The following MSTO1 variants were observed in gnomAD, a reference collection of about 807,000 sequenced individuals.
MSTO1 encodes the protein misato mitochondrial distribution and morphology regulator 1, also known as protein misato homolog 1.
Under a neutral mutation model 55.7 loss-of-function variants are expected in MSTO1, and 24 were observed. That is an observed-to-expected ratio of 0.43 (90% CI 0.31 to 0.61). The LOEUF is 0.61. Ranked by LOEUF, MSTO1 falls within the 20% of genes least tolerant of loss-of-function variation. The pLI is 0.09. For missense variants in MSTO1, 363 were observed against 625.7 expected, an observed-to-expected ratio of 0.58 and a Z score of 4.48; for synonymous variants, 162 against 252.8, an observed-to-expected ratio of 0.64 and a Z score of 3.41.
At chr1:155,598,221 A>T in the MSTO1 span, among the ~76,000 whole-genome samples, 14 of 151,544 alleles carry the variant, frequency 9.2e-5, no homozygotes, top group Admixed American at 6.6e-5. Flanking sequence ...GGTTCAAGCA[A>T]TTCTCCCGCC....
the MSTO1 span, among the ~76,000 whole-genome samples, chr1:155,575,830 T>G: frequency 6.7e-6 from 1 of 149,776 alleles, no homozygotes; most frequent in Non-Finnish European, 1.5e-5. Context: ...ATTTATTTAT[T>G]TATTTATTTT....
At chr1:155,605,754 TGGCTG>T (rs1249130428), upstream of MSTO1, among the ~76,000 whole-genome samples, 1 of 152,210 alleles carries the variant, frequency 6.6e-6, no homozygotes, top group Non-Finnish European at 1.5e-5. Context: ...CCCTCCAGCC[TGGCTG>T]ACAATCAGAT....
the MSTO1 span, chr1:155,590,729 T>G: frequency 1.3e-6 from 2 of 1,586,794 alleles, no homozygotes; most frequent in Non-Finnish European, 1.7e-6. Context: ...CACAGCAGCC[T>G]GCCACCCAGC....
chr1:155,610,122 G>A, upstream of MSTO1: 2 of 876,526 alleles, frequency 2.3e-6, no homozygotes, highest in South Asian at 3.3e-5. Context: ...TTCTCCAATG[G>A]GAAAGGATGT....
chr1:155,582,564 A>G, the MSTO1 span, among the ~76,000 whole-genome samples: 6 of 150,714 alleles, frequency 4.0e-5, no homozygotes, highest in Non-Finnish European at 7.4e-5. Context: ...GGTTCAAGCA[A>G]TTCTCTGCCT....
chr1:155,593,764 C>G, the MSTO1 span, among the ~76,000 whole-genome samples: 1 of 151,506 alleles, frequency 6.6e-6, no homozygotes, highest in Non-Finnish European at 1.5e-5. Flanking sequence ...GTCAGGAGAT[C>G]GAGACCATCC....
At chr1:155,583,537 C>T in the MSTO1 span, among the ~76,000 whole-genome samples, 1 of 151,930 alleles carries the variant, frequency 6.6e-6, no homozygotes, top group Non-Finnish European at 1.5e-5. Context: ...CCCGATCTCA[C>T]AAAATAATAA....
the MSTO1 span, among the ~76,000 whole-genome samples, chr1:155,599,876 A>G: frequency 2.6e-5 from 4 of 152,324 alleles, no homozygotes; most frequent in South Asian, 4.1e-4. Context: ...AAACATCTCA[A>G]TGCTTTACAA....
chr1:155,579,522 A>G, the MSTO1 span, among the ~76,000 whole-genome samples: 1 of 152,160 alleles, frequency 6.6e-6, no homozygotes, highest in South Asian at 2.1e-4. Context: ...TGTAGCATAT[A>G]TAGTGGCTAA....
At chr1:155,563,525 G>A in the MSTO1 span, 2 of 456,346 alleles carry the variant, frequency 4.4e-6, no homozygotes, top group South Asian at 3.1e-5. Flanking sequence ...AACCCTCCTC[G>A]GATTTCTCGA....
chr1:155,598,787 T>C, the MSTO1 span: 1 of 1,023,036 alleles, frequency 9.8e-7, no homozygotes, highest in Non-Finnish European at 1.5e-6. Context: ...TCTAGTCACC[T>C]TGTAGTCACG....
the MSTO1 span, among the ~76,000 whole-genome samples, chr1:155,587,904 G>A: frequency 6.6e-6 from 1 of 150,652 alleles, no homozygotes; most frequent in African/African-American, 2.4e-5. Flanking sequence ...ATGAAGTATC[G>A]AAAATAACAA....
the MSTO1 span, among the ~76,000 whole-genome samples, chr1:155,574,471 T>G: frequency 6.6e-6 from 1 of 152,174 alleles, no homozygotes; most frequent in Non-Finnish European, 1.5e-5. Context: ...TATATATATA[T>G]ATAGACATAT....
At chr1:155,587,839 CT>C in the MSTO1 span, among the ~76,000 whole-genome samples, 1 of 151,142 alleles carries the variant, frequency 6.6e-6, no homozygotes, top group South Asian at 2.1e-4. Flanking sequence ...CTAAGATTGA[CT>C]GTAATTTTTA....
the MSTO1 span, among the ~76,000 whole-genome samples, chr1:155,594,059 C>G: frequency 1.3e-5 from 2 of 151,698 alleles, no homozygotes; most frequent in African/African-American, 4.8e-5. Context: ...CAAATTTTCA[C>G]TGAGGATGTG....
the MSTO1 span, among the ~76,000 whole-genome samples, chr1:155,592,282 A>G: frequency 2.6e-5 from 4 of 152,224 alleles, no homozygotes; most frequent in South Asian, 2.1e-4. Context: ...CTTGGGATAC[A>G]TCGCAACATG....
chr1:155,605,191 G>A, the MSTO1 span, among the ~76,000 whole-genome samples: 1 of 152,292 alleles, frequency 6.6e-6, no homozygotes, highest in South Asian at 2.1e-4. Context: ...AACCTGGGAT[G>A]TGGAGGTTGC....
the MSTO1 span, among the ~76,000 whole-genome samples, chr1:155,592,417 C>T: frequency 6.6e-6 from 1 of 152,168 alleles, no homozygotes. Flanking sequence ...TCACATGACT[C>T]CTCCTGTTTC....
the MSTO1 span, among the ~76,000 whole-genome samples, chr1:155,564,905 A>C: frequency 2.0e-5 from 3 of 152,102 alleles, no homozygotes; most frequent in Non-Finnish European, 4.4e-5. Context: ...ATGGATCACG[A>C]GGTCACAAGT....
Sources: gnomAD v4.1 joint callset for allele counts (sites outside exome capture counted in the v4.1 genomes callset) on GRCh38, gnomAD v4.1.1 for gene constraint, MANE v1.5 for transcripts, NCBI Gene and HGNC (gene_info 2026-07-23, HGNC 2026-07-21) for gene names.